CATSPERE: variants seen among roughly 807,000 people sequenced by gnomAD.
The protein encoded by CATSPERE is catsper channel auxiliary subunit epsilon.
A neutral mutation model predicts 114.1 loss-of-function variants in CATSPERE; 93 were observed. That is an observed-to-expected ratio of 0.81 (90% CI 0.69 to 0.97). The LOEUF is 0.97. Among genes scored for constraint, CATSPERE ranks in the 50% least tolerant of loss-of-function variants. CATSPERE has a pLI of 0.00. For synonymous variants in CATSPERE, 341 were observed against 384.1 expected, an observed-to-expected ratio of 0.89 and a Z score of 1.31; for missense variants, 1,058 against 1,131.6, an observed-to-expected ratio of 0.93 and a Z score of 0.93.
At chr1:244,456,931 A>T (rs182133708), upstream of CATSPERE, among the ~76,000 whole-genome samples, 24 of 152,354 alleles carry the variant, frequency 1.6e-4, no homozygotes, top group Admixed American at 1.4e-3. Context: ...TGTGTAAGGA[A>T]GGTGTTTTTT....
intron 4 of CATSPERE, 105 bp from the exon 5 acceptor site, chr1:244,479,612 A>G: frequency 1.9e-6 from 1 of 540,400 alleles, no homozygotes; most frequent in South Asian, 3.3e-5. Context: ...GCTTCCTCTG[A>G]TCGTGGATAA....
chr1:244,524,933 G>A (rs540028665), intron 8 of CATSPERE, among the ~76,000 whole-genome samples: 17 of 146,830 alleles, frequency 1.2e-4, no homozygotes, highest in East Asian at 1.9e-4. Flanking sequence ...CAGTGTGGCG[G>A]TTCCTCAGGG....
At chr1:244,490,265 A>C (rs1227739181) in intron 5 of CATSPERE, among the ~76,000 whole-genome samples, 182 bp from the exon 6 acceptor site, 1 of 152,222 alleles carries the variant, frequency 6.6e-6, no homozygotes, top group Admixed American at 6.5e-5. Context: ...ATCAGTAACG[A>C]TATTGATAAA....
intron 11 of CATSPERE, among the ~76,000 whole-genome samples, chr1:244,579,894 TC>T (rs972174315): frequency 3.7e-4 from 56 of 152,300 alleles, no homozygotes; most frequent in African/African-American, 1.3e-3. Flanking sequence ...CACATAAGGT[TC>T]TTATGAGGAT....
intron 8 of CATSPERE, among the ~76,000 whole-genome samples, chr1:244,551,411 A>G (rs1171137609): frequency 6.6e-6 from 1 of 152,214 alleles, no homozygotes; most frequent in East Asian, 1.9e-4. Context: ...TTTAAACAAA[A>G]CAAGTATTAA....
chr1:244,544,453 G>T (rs1286572374), intron 8 of CATSPERE, among the ~76,000 whole-genome samples: 1 of 152,136 alleles, frequency 6.6e-6, no homozygotes, highest in Non-Finnish European at 1.5e-5. Flanking sequence ...CCCATGCTGT[G>T]ATTCTTCCTT....
In CATSPERE at chr1:244,477,595, T is replaced by A; in HGVS notation, c.169T>A (p.Cys57Ser). The change falls in exon 3 of 22, where the codon TGT (cysteine) becomes AGT (serine). Residue 57 changes from cysteine (C) to serine (S), a missense_variant. Coordinates refer to ENST00000366534, the MANE Select transcript of CATSPERE (RefSeq NM_001130957.2). ...LFTEWSVPET[C>S]FVLNKSSPTT... ...TACTGAGTGGAGTGTGCCAGAAACT[T>A]GTTTTGTGCTAAATAAAAGGTAAGA... 1 of 1,593,624 alleles carries A rather than the reference T, an allele frequency of 6.3e-7. No individual in the cohort carries two copies. The highest frequency in any genetic ancestry group is 8.6e-7 in the Non-Finnish European group (1 of 1,162,272).
At chr1:244,515,637 A>G (rs1676491370) in intron 7 of CATSPERE, among the ~76,000 whole-genome samples, 1 of 152,190 alleles carries the variant, frequency 6.6e-6, no homozygotes, top group Non-Finnish European at 1.5e-5. Context: ...GGGAACCATT[A>G]ATAGAGCAGG....
In CATSPERE at chr1:244,477,903, T is replaced by G. The variant is rs1352143232; in HGVS notation, c.189-3T>G. 3.7e-6 allele frequency: 6 copies of G among 1,600,228 alleles called. No individual in the cohort carries two copies. Among genetic ancestry groups the G allele is most frequent in the Non-Finnish European group, 5.1e-6 (6 of 1,169,038 alleles). On this transcript the variant is annotated splice_polypyrimidine_tract_variant and splice_region_variant and intron_variant, in intron 3 of 21. Coordinates refer to ENST00000366534, the MANE Select transcript of CATSPERE (RefSeq NM_001130957.2). ...TATTCTTTCTCATCTTTTTAAACAC[T>G]AGCTCACCCACGACAGAATTGCGTT...
chr1:244,626,823 T>G (rs1452448646), intron 20 of CATSPERE, among the ~76,000 whole-genome samples: 2 of 152,242 alleles, frequency 1.3e-5, no homozygotes, highest in African/African-American at 2.4e-5. Context: ...GGTGGTTTGA[T>G]TATCTGTCCA....
intron 1 of CATSPERE, 120 bp from the exon 2 acceptor site, chr1:244,463,788 G>C (rs990145856): frequency 1.2e-6 from 1 of 830,118 alleles, no homozygotes. Context: ...TGTCAAGGAA[G>C]GGAATGAGGC....
chr1:244,467,158 G>A (rs1667731270), intron 2 of CATSPERE, among the ~76,000 whole-genome samples: 1 of 152,132 alleles, frequency 6.6e-6, no homozygotes, highest in Non-Finnish European at 1.5e-5. Flanking sequence ...AACAATTTCT[G>A]TTGTGTTTTC....
intron 6 of CATSPERE, among the ~76,000 whole-genome samples, chr1:244,497,150 T>C (rs1353710782): frequency 6.6e-6 from 1 of 152,200 alleles, no homozygotes; most frequent in African/African-American, 2.4e-5. Context: ...CATGGAAGAA[T>C]TCTCTTACAA....
chr1:244,460,248 G>A (rs1222849723), upstream of CATSPERE, among the ~76,000 whole-genome samples: 2 of 152,182 alleles, frequency 1.3e-5, no homozygotes, highest in African/African-American at 4.8e-5. Flanking sequence ...CACAAGATTT[G>A]AAATCAGGTT....
At chr1:244,490,346 G>C (rs1180683279) in intron 5 of CATSPERE, 101 bp from the exon 6 acceptor site, 2 of 719,778 alleles carry the variant, frequency 2.8e-6, no homozygotes, top group East Asian at 2.8e-5. Flanking sequence ...AATATAAAGA[G>C]AATATGCAAA....
At chr1:244,600,508 CT>C (rs2148665268) in intron 17 of CATSPERE, among the ~76,000 whole-genome samples, 1 of 152,284 alleles carries the variant, frequency 6.6e-6, no homozygotes, top group South Asian at 2.1e-4. Flanking sequence ...CACCTCAGGC[CT>C]CCTATGGATC....
intron 6 of CATSPERE, among the ~76,000 whole-genome samples, chr1:244,497,713 C>G (rs1398387362): frequency 6.6e-6 from 1 of 152,206 alleles, no homozygotes; most frequent in Non-Finnish European, 1.5e-5. Context: ...AGGAAAATCA[C>G]TTGAACCCAG....
chr1:244,561,092 A>G lies in CATSPERE; in HGVS notation c.1454A>G (p.His485Arg). The change falls in exon 10 of 22, where the codon CAT becomes CGT. Residue 485 changes from histidine to arginine, a missense_variant. By Grantham distance (29) the His-to-Arg change is conservative. Transcript: ENST00000366534. ...GGGATTTTACAGACACCTGCAGGACATGGAAATCTATCAATGCTATCAAAT... is the reference window on the plus strand; with the variant it reads ...GGGATTTTACAGACACCTGCAGGACGTGGAAATCTATCAATGCTATCAAAT... ...FTGILQTPAG[H>R]GNLSMLSNDS... 6.2e-7 allele frequency: 1 copy of G among 1,611,070 alleles called. No individual in the cohort carries two copies. Among genetic ancestry groups the G allele is most frequent in the Non-Finnish European group, 8.5e-7 (1 of 1,177,764 alleles).
chr1:244,621,082 TAAATATATATAAAATATATATAA>T (rs1225275427), intron 20 of CATSPERE, among the ~76,000 whole-genome samples: 9 of 71,108 alleles, frequency 1.3e-4, no homozygotes, highest in Admixed American at 6.4e-4. Context: ...AATATATATA[TAAATATATATAAAATATATATAA>T]ATATATATAT....
Sources: gnomAD v4.1 joint callset for allele counts (sites outside exome capture counted in the v4.1 genomes callset) on GRCh38, gnomAD v4.1.1 for gene constraint, MANE v1.5 for transcripts, NCBI Gene and HGNC (gene_info 2026-07-23, HGNC 2026-07-21) for gene names.